The following PUDP variants were observed in gnomAD, a reference collection of about 807,000 sequenced individuals.
PUDP encodes pseudouridine 5'-phosphatase.
In PUDP, 8 loss-of-function variants were observed where a neutral mutation model predicts 9.4. That is an observed-to-expected ratio of 0.85 (90% confidence interval 0.50 to 1.53). PUDP has a LOEUF of 1.53. Among genes scored for constraint, PUDP ranks in the 40% most tolerant of loss-of-function variants. PUDP has a pLI of 0.00. For missense variants in PUDP, 188 were observed against 189.7 expected (o/e 0.99, Z 0.05); for synonymous variants, 99 against 80.7 (o/e 1.23, Z -1.22).
At chrX:6,716,001 G>A (rs957861989) in intron 1 of PUDP, among the ~76,000 whole-genome samples, 6 of 110,966 alleles carry the variant, frequency 5.4e-5, no homozygotes, top group Admixed American at 9.7e-5. Flanking sequence ...GGGCTCCCAC[G>A]AAACTAGATC....
rs899062916 is a variant in PUDP at position 6,921,593 on chromosome X, A to C, written c.*247+55540T>G. On this transcript the variant is annotated intron_variant and NMD_transcript_variant, in intron 3 of 3. Coordinates refer to the PUDP transcript ENST00000655425. ...CTGTACCTCAATGGTCTTGTCCTAC[A>C]CACATCTTGGCCACTCTCTCCCATG... is the stretch of plus-strand genomic sequence containing the variant. 2.7e-5 allele frequency among the ~76,000 whole-genome samples: 3 copies of C among 110,105 alleles called. No homozygotes were observed. The Admixed American group carries it at 2.9e-4, about 11-fold the overall frequency.
At chrX:7,066,186 A>G in intron 3 of PUDP, among the ~76,000 whole-genome samples, 1 of 111,783 alleles carries the variant, frequency 8.9e-6, no homozygotes, top group South Asian at 3.8e-4. Context: ...ATTACAAAAA[A>G]TGCACAGCTG....
intron 3 of PUDP, among the ~76,000 whole-genome samples, chrX:6,729,431 T>C (rs1182042789): frequency 1.8e-5 from 2 of 112,257 alleles, no homozygotes; most frequent in Admixed American, 1.9e-4. Flanking sequence ...CAAGCTGTGC[T>C]CTGACCACCT....
At chrX:6,921,898 G>A (rs981220404) in intron 3 of PUDP, among the ~76,000 whole-genome samples, 17 of 111,060 alleles carry the variant, frequency 1.5e-4, no homozygotes, top group Admixed American at 4.8e-4. Flanking sequence ...CTACTTCCCC[G>A]GGCTCATCTG....
At chrX:7,054,548 T>C (rs1246522749) in intron 3 of PUDP, among the ~76,000 whole-genome samples, 1 of 112,134 alleles carries the variant, frequency 8.9e-6, no homozygotes, top group African/African-American at 3.2e-5. Context: ...GACAGGCCAG[T>C]TGGCTTGGGT....
At chrX:6,843,234 G>C (rs1025702673) in intron 3 of PUDP, among the ~76,000 whole-genome samples, 2 of 112,259 alleles carry the variant, frequency 1.8e-5, no homozygotes, top group Non-Finnish European at 3.8e-5. Context: ...TCTAATGAAT[G>C]GACTTTATCC....
intron 3 of PUDP, among the ~76,000 whole-genome samples, chrX:6,877,114 G>C (rs1927276447): frequency 9.1e-6 from 1 of 109,777 alleles, no homozygotes; most frequent in Non-Finnish European, 1.9e-5. Flanking sequence ...GTGCCACCAT[G>C]CCTGGCTAAT....
chrX:6,815,401 T>C (rs181284946), intron 3 of PUDP, among the ~76,000 whole-genome samples: 344 of 112,309 alleles, frequency 3.1e-3, no homozygotes, highest in Non-Finnish European at 5.1e-3. Context: ...ACATCCGTTA[T>C]AGTCATTCAA....
At chrX:6,768,080 C>T (rs778751910) in intron 3 of PUDP, among the ~76,000 whole-genome samples, 47 of 111,918 alleles carry the variant, frequency 4.2e-4, no homozygotes, top group Non-Finnish European at 8.3e-4. Flanking sequence ...GAAATTGCCA[C>T]TTTTGCAGGT....
chrX:6,719,876 A>G (rs200247388), intron 1 of PUDP, among the ~76,000 whole-genome samples: 1 of 111,650 alleles, frequency 9.0e-6, no homozygotes, highest in Non-Finnish European at 1.9e-5. Context: ...ATAAACTGGC[A>G]CAGCCACTAT....
intron 1 of PUDP, among the ~76,000 whole-genome samples, chrX:7,041,870 T>C (rs1404404535): frequency 1.4e-4 from 3 of 21,004 alleles, no homozygotes; most frequent in Non-Finnish European, 2.6e-4. Context: ...TCTCTCTCTT[T>C]TTTTTTTTTT....
intron 3 of PUDP, among the ~76,000 whole-genome samples, chrX:6,816,421 C>T (rs1926236502): frequency 9.7e-6 from 1 of 103,088 alleles, no homozygotes; most frequent in Non-Finnish European, 2.0e-5. Context: ...CTACACTATA[C>T]TAATGTACTG....
intron 3 of PUDP, among the ~76,000 whole-genome samples, chrX:6,858,623 G>A (rs946621969): frequency 4.5e-5 from 5 of 111,736 alleles, no homozygotes; most frequent in Admixed American, 9.5e-5. Flanking sequence ...CCCAGCCTAT[G>A]TGTATCCTTT....
At chrX:6,942,883 G>T (rs1928417296) in intron 3 of PUDP, among the ~76,000 whole-genome samples, 1 of 112,228 alleles carries the variant, frequency 8.9e-6, no homozygotes, top group African/African-American at 3.2e-5. Context: ...AAGAGGCAAG[G>T]TAACACTCCT....
intron 1 of PUDP, among the ~76,000 whole-genome samples, chrX:6,982,908 T>G (rs888651686): frequency 5.3e-5 from 6 of 112,260 alleles, no homozygotes; most frequent in African/African-American, 1.9e-4. Flanking sequence ...TTATTCATAA[T>G]AGCCAAGAGG....
chrX:7,043,200 G>A (rs1024046782), intron 1 of PUDP, among the ~76,000 whole-genome samples: 12 of 112,037 alleles, frequency 1.1e-4, no homozygotes, highest in Admixed American at 1.9e-4. Flanking sequence ...CAAAACCCAC[G>A]TTGAAATTTG....
chrX:6,972,039 C>T (rs1928885648), intron 3 of PUDP, among the ~76,000 whole-genome samples: 1 of 111,890 alleles, frequency 8.9e-6, no homozygotes, highest in Admixed American at 9.5e-5. Flanking sequence ...TATAGGAATG[C>T]TTGTGATTTT....
intron 3 of PUDP, among the ~76,000 whole-genome samples, chrX:6,736,159 C>T (rs1255902498): frequency 3.6e-5 from 4 of 111,202 alleles, no homozygotes; most frequent in African/African-American, 1.3e-4. Context: ...ACATTGAAAA[C>T]TTTATTGAGC....
chrX:7,086,955 T>G (rs1205868854), intron 2 of PUDP, among the ~76,000 whole-genome samples: 1 of 111,680 alleles, frequency 9.0e-6, no homozygotes, highest in Non-Finnish European at 1.9e-5. Flanking sequence ...TGGCTGAACC[T>G]CATGGAACAC....
Sources: allele counts gnomAD v4.1 joint callset (sites outside exome capture counted in the v4.1 genomes callset), GRCh38; gene constraint gnomAD v4.1.1; transcripts MANE v1.5; gene names NCBI Gene and HGNC (gene_info 2026-07-23, HGNC 2026-07-21).